GAS7: variants seen among roughly 807,000 people sequenced by gnomAD.
GAS7 encodes growth arrest specific 7.
A neutral mutation model predicts 71.1 loss-of-function variants in GAS7; 28 were observed. That is an observed-to-expected ratio of 0.39 (90% CI 0.29 to 0.54). GAS7 has a LOEUF of 0.54. Ranked by LOEUF, GAS7 falls within the 20% of genes least tolerant of loss-of-function variation. The probability of loss-of-function intolerance (pLI) is 0.62; values close to 1 mark genes in which losing one functional copy is unlikely to be tolerated. For synonymous variants in GAS7, 258 were observed against 245.8 expected (o/e 1.05, Z -0.46); for missense variants, 436 against 627.8 (o/e 0.69, Z 3.27).
chr17:10,089,729 A>G (rs1224768973), intron 1 of GAS7, among the ~76,000 whole-genome samples: 1 of 152,214 alleles, frequency 6.6e-6, no homozygotes. Flanking sequence ...GAGGAGAGGC[A>G]GTGCTTAGTG....
At chr17:9,946,847 C>A in intron 6 of GAS7, 47 bp downstream of exon 6, 1 of 1,296,072 alleles carries the variant, frequency 7.7e-7, no homozygotes, top group South Asian at 1.2e-5. Context: ...GGTGTCCACT[C>A]CCGGTCACCG....
At chr17:10,159,373 C>A (rs9910923) in intron 1 of GAS7, among the ~76,000 whole-genome samples, 33,259 of 151,746 alleles carry the variant, frequency 0.22, 4,348 homozygotes, top group African/African-American at 0.36. Context: ...TTCAAGGTAG[C>A]ACTGTTCATA....
chr17:10,089,869 T>A (rs1432408820), intron 1 of GAS7, among the ~76,000 whole-genome samples: 1 of 152,060 alleles, frequency 6.6e-6, no homozygotes. Context: ...AAGCAAACCC[T>A]TAGAAGTGTG....
At chr17:9,928,095 C>T (rs2068075232) in intron 9 of GAS7, among the ~76,000 whole-genome samples, 1 of 151,472 alleles carries the variant, frequency 6.6e-6, no homozygotes, top group South Asian at 2.1e-4. Context: ...GTGAGCATAA[C>T]ATTTATTTAT....
intron 1 of GAS7, among the ~76,000 whole-genome samples, chr17:10,055,547 T>G (rs983857299): frequency 2.6e-5 from 4 of 152,112 alleles, no homozygotes; most frequent in African/African-American, 4.8e-5. Context: ...CCCACCCCAC[T>G]GAAAACCCGT....
intron 8 of GAS7, among the ~76,000 whole-genome samples, chr17:9,935,672 G>A (rs900751445): frequency 7.9e-5 from 12 of 152,234 alleles, no homozygotes; most frequent in Non-Finnish European, 1.3e-4. Flanking sequence ...TGGTGGTGGC[G>A]CAGGCTCAGG....
intron 1 of GAS7, among the ~76,000 whole-genome samples, chr17:10,102,649 G>A (rs2073714942): frequency 6.6e-6 from 1 of 152,088 alleles, no homozygotes; most frequent in Non-Finnish European, 1.5e-5. Context: ...GCCTGGATGA[G>A]CATCTGAATT....
At chr17:10,020,826 T>C (rs985501667) in intron 1 of GAS7, among the ~76,000 whole-genome samples, 2 of 152,240 alleles carry the variant, frequency 1.3e-5, no homozygotes, top group Middle Eastern at 6.8e-3. Context: ...GGCAAGAGAA[T>C]TGCTTGAACC....
chr17:10,145,400 C>A (rs920576801), intron 1 of GAS7, among the ~76,000 whole-genome samples: 4 of 152,212 alleles, frequency 2.6e-5, no homozygotes, highest in Admixed American at 1.3e-4. Flanking sequence ...GAAGCTCAGG[C>A]AGTGTGTAAG....
chr17:10,181,840 C>T (rs1374148280), intron 1 of GAS7, among the ~76,000 whole-genome samples: 2 of 152,124 alleles, frequency 1.3e-5, no homozygotes, highest in African/African-American at 4.8e-5. Context: ...CCGGCCAAAA[C>T]CCACCAAAAC....
intron 1 of GAS7, among the ~76,000 whole-genome samples, chr17:10,070,992 G>T (rs1304789815): frequency 2.0e-5 from 3 of 151,730 alleles, no homozygotes; most frequent in Non-Finnish European, 4.4e-5. Flanking sequence ...AGAAACCAGG[G>T]ACTCCCACAT....
intron 1 of GAS7, among the ~76,000 whole-genome samples, chr17:10,109,784 G>A (rs1329216467): frequency 3.3e-5 from 5 of 152,012 alleles, no homozygotes; most frequent in Non-Finnish European, 5.9e-5. Flanking sequence ...GGCCAGGCGC[G>A]GTGGTACACG....
intron 1 of GAS7, among the ~76,000 whole-genome samples, chr17:10,122,988 C>T (rs927011046): frequency 7.2e-5 from 11 of 152,136 alleles, no homozygotes; most frequent in African/African-American, 2.2e-4. Flanking sequence ...CACACCACCA[C>T]GCCTGGCTGA....
intron 1 of GAS7, among the ~76,000 whole-genome samples, chr17:10,136,568 G>C (rs192713115): frequency 5.9e-5 from 9 of 152,272 alleles, no homozygotes; most frequent in Admixed American, 2.6e-4. Flanking sequence ...TGCAAAAAGG[G>C]ACTCAAATCC....
chr17:10,181,226 G>GGC (rs1356491694), intron 1 of GAS7, among the ~76,000 whole-genome samples: 1 of 151,708 alleles, frequency 6.6e-6, no homozygotes, highest in Non-Finnish European at 1.5e-5. Flanking sequence ...TGGGCGTGGT[G>GGC]GTGCATGCCT....
At position 10,007,437 on chromosome 17, in the gene GAS7, C is replaced by T. The variant is rs150075464; in HGVS notation, c.304+12340G>A. Among the ~76,000 whole-genome samples the T allele has an allele frequency of 2.3e-3, 354 of 151,906 alleles. 1 individual carries two copies. The highest frequency in any genetic ancestry group is 8.0e-3 in the African/African-American group (331 of 41,424). On this transcript the variant is annotated intron_variant, in intron 2 of 13. Transcript: ENST00000432992. ...GTCAGGAGTTTGAGACCAGTCTGGC[C>T]AACATGGTGAAATCCCATCTCTACT... is the stretch of plus-strand genomic sequence containing the variant.
intron 1 of GAS7, among the ~76,000 whole-genome samples, chr17:10,182,023 C>T (rs188158528): frequency 6.6e-6 from 1 of 152,284 alleles, no homozygotes; most frequent in African/African-American, 2.4e-5. Context: ...ACCCTCAGTT[C>T]CCAGAGCTCC....
chr17:10,037,892 G>A (rs2072785882), intron 1 of GAS7, among the ~76,000 whole-genome samples: 1 of 152,054 alleles, frequency 6.6e-6, no homozygotes, highest in Non-Finnish European at 1.5e-5. Context: ...ACAATAAAAA[G>A]CAAACAGCCC....
intron 1 of GAS7, among the ~76,000 whole-genome samples, chr17:10,063,891 A>G (rs1245664851): frequency 6.6e-6 from 1 of 151,820 alleles, no homozygotes; most frequent in Admixed American, 6.6e-5. Flanking sequence ...TCTTTTTTTC[A>G]TCCAGCCACA....
Sources: allele counts gnomAD v4.1 joint callset (sites outside exome capture counted in the v4.1 genomes callset), GRCh38; gene constraint gnomAD v4.1.1; transcripts MANE v1.5; gene names NCBI Gene and HGNC (gene_info 2026-07-23, HGNC 2026-07-21).